Variants in FBN2 observed in about 807,000 individuals in gnomAD.
FBN2 encodes the protein fibrillin-2.
Under a neutral mutation model 355.6 loss-of-function variants are expected in FBN2, and 105 were observed. The ratio of observed to expected loss-of-function variants is 0.30; its 90% confidence interval spans 0.25 to 0.35. The LOEUF is 0.35. Ranked by LOEUF, FBN2 falls within the 10% of genes least tolerant of loss-of-function variation. The pLI, the probability that FBN2 is intolerant of heterozygous loss-of-function variation, is 1.00. For missense variants in FBN2, 3,280 were observed against 3,758.7 expected (o/e 0.87, Z 3.33); for synonymous variants, 1,350 against 1,301.2 (o/e 1.04, Z -0.81).
chr5:128,501,219 C>A (rs1307566616), intron 5 of FBN2, among the ~76,000 whole-genome samples: 9 of 152,158 alleles, frequency 5.9e-5, no homozygotes, highest in Non-Finnish European at 1.2e-4. Context: ...ACTTCCATGA[C>A]AAGAGGGAGT....
At chr5:128,387,600 T>A (rs1752401888) in intron 11 of FBN2, among the ~76,000 whole-genome samples, 1 of 152,186 alleles carries the variant, frequency 6.6e-6, no homozygotes, top group Non-Finnish European at 1.5e-5. Context: ...ATTTTAGTGC[T>A]ATAAACTTTA....
At chr5:128,393,434 T>C in intron 9 of FBN2, 66 bp from the exon 10 acceptor site, 1 of 1,345,854 alleles carries the variant, frequency 7.4e-7, no homozygotes, top group Non-Finnish European at 1.1e-6. Flanking sequence ...AAGCCATTGG[T>C]ACACTGTACT....
At chr5:128,375,780 A>C (rs1025337127) in intron 14 of FBN2, among the ~76,000 whole-genome samples, 1 of 152,206 alleles carries the variant, frequency 6.6e-6, no homozygotes, top group African/African-American at 2.4e-5. Context: ...TCATGCCTGT[A>C]ATCCCAGAAC....
At chr5:128,298,810 A>T (rs903304947) in intron 48 of FBN2, among the ~76,000 whole-genome samples, 1 of 152,068 alleles carries the variant, frequency 6.6e-6, no homozygotes, top group African/African-American at 2.4e-5. Flanking sequence ...GAGTAATTTG[A>T]TCGTCTGAAG....
chr5:128,259,930 G>A, intron 64 of FBN2, 101 bp from the exon 65 acceptor site: 1 of 1,240,968 alleles, frequency 8.1e-7, no homozygotes, highest in South Asian at 1.2e-5. Context: ...AGGACAGGCT[G>A]TGGCTTCCCA....
chr5:128,420,923 A>T (rs1395493369), intron 7 of FBN2, among the ~76,000 whole-genome samples: 1 of 152,222 alleles, frequency 6.6e-6, no homozygotes. Context: ...TTCAACCATG[A>T]GAATCGGCAA....
rs115786969 is a variant in FBN2, at chr5:128,433,857, G to C, written c.952+12624C>G. On this transcript the variant is annotated intron_variant, in intron 7 of 64. Transcript: ENST00000262464. Reference sequence around the variant, plus strand: ...AAATACACAGTAATATGTGAAATATGAAACCACAGCCCTCTAGGAAAATCA... The same window carrying C: ...AAATACACAGTAATATGTGAAATATCAAACCACAGCCCTCTAGGAAAATCA... 7.4e-3 allele frequency among the ~76,000 whole-genome samples: 1,121 copies of C among 152,192 alleles called. 14 individuals carry two copies. Among genetic ancestry groups the C allele is most frequent in the African/African-American group, 0.025 (1,054 of 41,524 alleles).
Position 128,261,899 on chromosome 5 carries a change from A to G in FBN2, c.8201T>C (p.Val2734Ala), listed in dbSNP as rs1396474360. 5.6e-6 allele frequency: 9 copies of G among 1,613,874 alleles called. No individual in the cohort carries two copies. Among genetic ancestry groups the G allele is most frequent in the Non-Finnish European group, 7.6e-6 (9 of 1,179,876 alleles). Reference protein sequence around the residue: ...GYYRVGQGHCVSGMGFNKGQY... With the variant: ...GYYRVGQGHCASGMGFNKGQY... ...CCCCTTGTTAAATCCCATTCCTGAG[A>G]CACAGTGGCTATTTGCAAAAAGCAA... is the stretch of plus-strand genomic sequence containing the variant. Residue 2734 changes from valine to alanine, a missense_variant, in exon 64 of 65, where the codon GTC becomes GCC. By Grantham distance (64) the Val-to-Ala change is moderately conservative. Around this residue, in one of 6 missense-constraint regions of FBN2, gnomAD observed 311 missense variants for 319.1 expected, o/e 0.97. Transcript: ENST00000262464.
chr5:128,441,737 G>A (rs541817876), intron 7 of FBN2, among the ~76,000 whole-genome samples: 14 of 152,282 alleles, frequency 9.2e-5, no homozygotes, highest in Admixed American at 6.5e-4. Context: ...GCAGAAAGCA[G>A]GTTTGAGTGT....
chr5:128,437,561 G>A (rs1753800148), intron 7 of FBN2, among the ~76,000 whole-genome samples: 1 of 152,080 alleles, frequency 6.6e-6, no homozygotes, highest in African/African-American at 2.4e-5. Flanking sequence ...GCAGGTTATT[G>A]TCATGGTCCT....
chr5:128,326,577 T>C (rs906094313), intron 34 of FBN2, among the ~76,000 whole-genome samples: 5 of 152,180 alleles, frequency 3.3e-5, no homozygotes, highest in African/African-American at 1.2e-4. Context: ...CATCGGAGGA[T>C]CATGTATTTA....
At chr5:128,412,350 C>T (rs1581272724) in intron 7 of FBN2, among the ~76,000 whole-genome samples, 2 of 152,304 alleles carry the variant, frequency 1.3e-5, no homozygotes, top group South Asian at 2.1e-4. Context: ...ACTGGGACAC[C>T]TAGTGGAAGA....
chr5:128,306,663 G>A (rs1749891604), intron 42 of FBN2, among the ~76,000 whole-genome samples: 1 of 152,038 alleles, frequency 6.6e-6, no homozygotes, highest in Non-Finnish European at 1.5e-5. Context: ...TTTGAGGAAG[G>A]AAGCTAGAGT....
chr5:128,366,813 C>G (rs1751783330), intron 16 of FBN2, among the ~76,000 whole-genome samples: 1 of 152,052 alleles, frequency 6.6e-6, no homozygotes, highest in Admixed American at 6.6e-5. Context: ...TGGTATTGTT[C>G]TACATTTTTC....
intron 34 of FBN2, among the ~76,000 whole-genome samples, chr5:128,322,614 T>C (rs1750412668): frequency 6.6e-6 from 1 of 152,188 alleles, no homozygotes; most frequent in Non-Finnish European, 1.5e-5. Flanking sequence ...GTATTATTTC[T>C]GAGGGCTCTG....
At position 128,313,360 on chromosome 5, in the gene FBN2, C is replaced by T. The variant is rs546062468; in HGVS notation, c.4718-565G>A. On this transcript the variant is annotated intron_variant, in intron 36 of 64. Transcript: ENST00000262464. ...TTATGGTTCTGTATCTCATCTCTCC[C>T]GTGAACTCTAGACCCTTCTACCAAT... Among the ~76,000 whole-genome samples, 19 of 152,250 alleles carry T rather than the reference C, an allele frequency of 1.2e-4. No homozygotes were observed. The South Asian group carries it at 2.1e-3, about 17-fold the overall frequency.
rs1752532439 is a variant in FBN2, at chr5:128,392,137, A to G, written c.1484T>C (p.Ile495Thr). 6.2e-7 allele frequency: 1 copy of G among 1,613,560 alleles called. No individual in the cohort carries two copies. Among genetic ancestry groups the G allele is most frequent in the Non-Finnish European group, 8.5e-7 (1 of 1,179,604 alleles). Residue 495 changes from isoleucine to threonine, a missense_variant, in exon 11 of 65, where the codon ATA becomes ACA. Coordinates refer to ENST00000262464, the MANE Select transcript of FBN2 (RefSeq NM_001999.4). ...ITGLTILNQTIDICKHHANLC... is the reference protein window; with the variant it reads ...ITGLTILNQTTDICKHHANLC... ...GTTAGCATGATGCTTACAGATATCT[A>G]TTGTCTGGTTCAGAATTGCTACGGA... is the stretch of plus-strand genomic sequence containing the variant.
At chr5:128,338,854 G>C (rs1165346936) in intron 26 of FBN2, 79 bp downstream of exon 26, 2 of 1,486,378 alleles carry the variant, frequency 1.3e-6, no homozygotes, top group Non-Finnish European at 9.4e-7. Flanking sequence ...ACAGCCCAGA[G>C]ATAAGCAAAG....
chr5:128,345,939 T>C (rs999373540), intron 23 of FBN2, among the ~76,000 whole-genome samples: 1 of 152,238 alleles, frequency 6.6e-6, no homozygotes, highest in African/African-American at 2.4e-5. Flanking sequence ...AAGTGCCTTT[T>C]AAGCAGCCCT....
Sources: gnomAD v4.1 joint callset for allele counts (sites outside exome capture counted in the v4.1 genomes callset) on GRCh38, gnomAD v4.1.1 for gene constraint, gnomAD v4.1.1 regional missense constraint, MANE v1.5 for transcripts, NCBI Gene and HGNC (gene_info 2026-07-23, HGNC 2026-07-21) for gene names.